The following MAN1A1 variants were observed in gnomAD, a reference collection of about 807,000 sequenced individuals.
MAN1A1 encodes the protein mannosidase alpha class 1A member 1.
In MAN1A1, 29 loss-of-function variants were observed where a neutral mutation model predicts 70.8. The observed-to-expected ratio is 0.41, with a 90% CI of 0.31 to 0.56. MAN1A1 has a LOEUF of 0.56. Among genes scored for constraint, MAN1A1 ranks in the 20% least tolerant of loss-of-function variants. The pLI is 0.29. For synonymous variants in MAN1A1, 349 were observed against 330.1 expected (o/e 1.06, Z -0.62); for missense variants, 747 against 841.3 (o/e 0.89, Z 1.39).
intron 2 of MAN1A1, among the ~76,000 whole-genome samples, chr6:119,328,492 T>C (rs913703993): frequency 6.6e-6 from 1 of 152,234 alleles, no homozygotes; most frequent in African/African-American, 2.4e-5. Context: ...TTGTGTGTGC[T>C]GCCTTTAACA....
intron 5 of MAN1A1, among the ~76,000 whole-genome samples, chr6:119,285,823 T>C (rs1776359064): frequency 6.6e-6 from 1 of 152,208 alleles, no homozygotes; most frequent in Non-Finnish European, 1.5e-5. Context: ...TTCTTGTTTA[T>C]ACCACATATT....
chr6:119,226,704 T>C (rs1774525019), intron 6 of MAN1A1, among the ~76,000 whole-genome samples: 1 of 152,174 alleles, frequency 6.6e-6, no homozygotes, highest in African/African-American at 2.4e-5. Flanking sequence ...AGAGTCCCAC[T>C]CTGTTGCCCA....
chr6:119,349,311 C>T (rs1773838045), intron 1 of MAN1A1, 24 bp from the exon 2 acceptor site: 1 of 1,188,036 alleles, frequency 8.4e-7, no homozygotes, highest in Admixed American at 4.5e-5. Flanking sequence ...AACAGTAAAA[C>T]GTAGTAATTA....
intron 2 of MAN1A1, among the ~76,000 whole-genome samples, chr6:119,328,174 C>T (rs930407712): frequency 1.3e-5 from 2 of 152,202 alleles, no homozygotes; most frequent in African/African-American, 4.8e-5. Context: ...AAACACACCA[C>T]ACAACATGCC....
At chr6:119,315,589 G>A (rs890567523) in intron 2 of MAN1A1, among the ~76,000 whole-genome samples, 16 of 151,962 alleles carry the variant, frequency 1.1e-4, no homozygotes, top group Non-Finnish European at 2.2e-4. Flanking sequence ...AATGGCAGAG[G>A]GTACAGGGGA....
At position 119,348,601 on chromosome 6, in the gene MAN1A1, C is replaced by T; in HGVS notation, c.465G>A (p.Lys155=). 2 of 1,614,022 alleles carry T rather than the reference C, an allele frequency of 1.2e-6. No individual in the cohort carries two copies. Among genetic ancestry groups the T allele is most frequent in the Non-Finnish European group, 1.7e-6 (2 of 1,179,954 alleles). The change falls in exon 2 of 13, where the codon AAG becomes AAA. Residue 155 remains lysine (K), a synonymous_variant. Transcript: ENST00000368468. ...EIQRDILLEK[K]KVAQDQLRDK... ...CACGCAGCTGGTCCTGGGCCACCTT[C>T]TTCTTCTCCAGTAGGATGTCTCTTT...
intron 5 of MAN1A1, among the ~76,000 whole-genome samples, chr6:119,283,711 A>G (rs1279344449): frequency 6.6e-6 from 1 of 152,090 alleles, no homozygotes; most frequent in Non-Finnish European, 1.5e-5. Context: ...GTTTTTTGGA[A>G]GAAAAAGGGT....
chr6:119,341,191 C>T (rs538941386), intron 2 of MAN1A1, among the ~76,000 whole-genome samples: 5 of 151,954 alleles, frequency 3.3e-5, no homozygotes, highest in Non-Finnish European at 7.4e-5. Flanking sequence ...AAGTCTTTAT[C>T]AAAACTCAGT....
intron 6 of MAN1A1, among the ~76,000 whole-genome samples, chr6:119,230,115 T>G (rs1774637546): frequency 1.3e-5 from 2 of 152,294 alleles, no homozygotes; most frequent in South Asian, 4.2e-4. Flanking sequence ...AGTTTAATAC[T>G]ATACCCAACA....
At chr6:119,245,526 C>T (rs1188869939) in intron 6 of MAN1A1, among the ~76,000 whole-genome samples, 2 of 152,064 alleles carry the variant, frequency 1.3e-5, no homozygotes, top group Admixed American at 6.6e-5. Context: ...GATGATAAAT[C>T]AGTCTCACAG....
upstream of MAN1A1, among the ~76,000 whole-genome samples, chr6:119,350,338 C>T (rs1232336474): frequency 2.0e-5 from 3 of 152,166 alleles, no homozygotes; most frequent in Non-Finnish European, 4.4e-5. Flanking sequence ...CCAAGTCCCT[C>T]GGTTAGGGGA....
intron 5 of MAN1A1, among the ~76,000 whole-genome samples, chr6:119,282,696 G>A (rs1298372018): frequency 6.6e-6 from 1 of 151,824 alleles, no homozygotes; most frequent in Non-Finnish European, 1.5e-5. Context: ...ATATATGTAA[G>A]GCTAAATCTA....
intron 2 of MAN1A1, among the ~76,000 whole-genome samples, chr6:119,308,992 A>G (rs1030163472): frequency 3.3e-5 from 5 of 152,208 alleles, no homozygotes; most frequent in African/African-American, 1.2e-4. Context: ...TCAAGGGAAA[A>G]GCTGACACTA....
chr6:119,343,144 A>G (rs1344545839), intron 2 of MAN1A1, among the ~76,000 whole-genome samples: 1 of 152,172 alleles, frequency 6.6e-6, no homozygotes, highest in Non-Finnish European at 1.5e-5. Context: ...CTGAAAAAAA[A>G]AAAAAGAAAA....
chr6:119,253,423 G>A (rs1048793854), intron 5 of MAN1A1, among the ~76,000 whole-genome samples: 2 of 152,130 alleles, frequency 1.3e-5, no homozygotes, highest in Admixed American at 6.5e-5. Flanking sequence ...TTGCAAAACC[G>A]CTTCAAAAGT....
chr6:119,290,863 T>C (rs1776519775), intron 4 of MAN1A1, 100 bp from the exon 5 acceptor site: 1 of 746,630 alleles, frequency 1.3e-6, no homozygotes. Context: ...TCAAATCTTA[T>C]GCTTGCCCAG....
chr6:119,309,597 C>T (rs1772646003), intron 2 of MAN1A1, among the ~76,000 whole-genome samples: 1 of 152,036 alleles, frequency 6.6e-6, no homozygotes, highest in Non-Finnish European at 1.5e-5. Context: ...CCTGACATTC[C>T]ACGTAGAAGT....
At chr6:119,334,061 A>G (rs1277476642) in intron 2 of MAN1A1, among the ~76,000 whole-genome samples, 3 of 152,210 alleles carry the variant, frequency 2.0e-5, no homozygotes, top group Non-Finnish European at 4.4e-5. Flanking sequence ...TCATCCTACT[A>G]TGCTATATCT....
chr6:119,189,729 G>T lies in MAN1A1; in HGVS notation c.1481C>A (p.Ala494Asp). 6.2e-7 allele frequency: 1 copy of T among 1,614,040 alleles called. No homozygotes were observed. Among genetic ancestry groups the T allele is most frequent in the Non-Finnish European group, 8.5e-7 (1 of 1,180,012 alleles). ...AGCCCCGAGTTCAAGGTAGTGTTGG[G>T]CCATGCCTTCGGGAGCTGCATCAGC... ...LGADAAPEGM[A>D]QHYLELGAEI... Residue 494 changes from alanine to aspartate, a missense_variant, in exon 10 of 13, where the codon GCC becomes GAC. Ala to Asp is a moderately radical substitution (Grantham distance 126, BLOSUM62 -2). Transcript: ENST00000368468.
Sources: allele counts gnomAD v4.1 joint callset (sites outside exome capture counted in the v4.1 genomes callset), GRCh38; gene constraint gnomAD v4.1.1; transcripts MANE v1.5; gene names NCBI Gene and HGNC (gene_info 2026-07-23, HGNC 2026-07-21).